CPED1: variants seen among roughly 807,000 people sequenced by gnomAD.
CPED1 encodes the protein cadherin like and PC-esterase domain containing 1.
Under a neutral mutation model 128.2 loss-of-function variants are expected in CPED1, and 114 were observed. The observed-to-expected ratio is 0.89, with a 90% CI of 0.76 to 1.04. The LOEUF (loss-of-function observed/expected upper bound fraction) is 1.04, where lower values mean the gene tolerates loss of function less well. Among genes scored for constraint, CPED1 ranks in the 50% least tolerant of loss-of-function variants. The pLI is 0.00. For synonymous variants in CPED1, 462 were observed against 426.7 expected (o/e 1.08, Z -1.02); for missense variants, 1,211 against 1,207.1 (o/e 1.00, Z -0.05).
intron 18 of CPED1, among the ~76,000 whole-genome samples, chr7:121,250,569 C>T (rs1023611471): frequency 2.1e-4 from 32 of 151,912 alleles, no homozygotes; most frequent in African/African-American, 6.3e-4. Flanking sequence ...ATTGATAGAC[C>T]GCTAGCAAGA....
intron 16 of CPED1, among the ~76,000 whole-genome samples, chr7:121,231,674 TAAAA>T (rs1798144003): frequency 6.6e-6 from 1 of 151,536 alleles, no homozygotes; most frequent in Non-Finnish European, 1.5e-5. Flanking sequence ...ATAAGTAAAA[TAAAA>T]AAAGGAAGAT....
At chr7:121,250,696 G>A (rs1050642735) in intron 18 of CPED1, among the ~76,000 whole-genome samples, 3 of 152,038 alleles carry the variant, frequency 2.0e-5, no homozygotes, top group African/African-American at 7.2e-5. Flanking sequence ...ACACCTCTAT[G>A]CAAATAAACT....
intron 16 of CPED1, among the ~76,000 whole-genome samples, chr7:121,151,257 G>T (rs903162956): frequency 6.6e-6 from 1 of 152,060 alleles, no homozygotes; most frequent in Admixed American, 6.6e-5. Flanking sequence ...GCCCAATGCC[G>T]TATACAATGT....
intron 2 of CPED1, among the ~76,000 whole-genome samples, chr7:121,004,732 C>A (rs546837655): frequency 1.0e-4 from 15 of 150,530 alleles, no homozygotes; most frequent in South Asian, 4.3e-4. Flanking sequence ...CTTGGAAGAC[C>A]CTAAGAGTAG....
intron 16 of CPED1, among the ~76,000 whole-genome samples, chr7:121,149,017 C>T (rs961891286): frequency 6.6e-6 from 1 of 152,098 alleles, no homozygotes; most frequent in Non-Finnish European, 1.5e-5. Context: ...AGCAGTGGCA[C>T]CTACTTCAAT....
intron 18 of CPED1, among the ~76,000 whole-genome samples, chr7:121,250,720 GA>G (rs1735248152): frequency 6.6e-6 from 1 of 152,106 alleles, no homozygotes; most frequent in South Asian, 2.1e-4. Flanking sequence ...AAATCTAGAA[GA>G]AATGGATAAA....
chr7:121,252,234 A>G (rs1396669502), intron 18 of CPED1, among the ~76,000 whole-genome samples: 1 of 151,630 alleles, frequency 6.6e-6, no homozygotes, highest in Non-Finnish European at 1.5e-5. Context: ...TATTTAATAA[A>G]TGATACTGGG....
intron 16 of CPED1, among the ~76,000 whole-genome samples, chr7:121,218,274 G>T (rs1454711287): frequency 6.6e-6 from 1 of 151,408 alleles, no homozygotes. Flanking sequence ...ACTTTCAATG[G>T]CAAAAATCGC....
rs760716295 is a variant in CPED1 at position 121,136,022 on chromosome 7, AT to A, written c.1649-15del. ...TTAATGGTTTTTATTTTAAATTTAC[AT>A]TTCTTTTTTTTTTTAGCTGCAGTTC... On this transcript the variant is annotated splice_polypyrimidine_tract_variant and intron_variant, in intron 13 of 22. Transcript: ENST00000310396. The A allele has an allele frequency of 2.0e-5, 29 of 1,474,704 alleles. No homozygotes were observed. Among genetic ancestry groups the A allele is most frequent in the African/African-American group, 1.0e-4 (7 of 69,632 alleles). 91.4% of individuals were successfully genotyped at this position (1,474,704 alleles called of 1,614,324 possible).
intron 16 of CPED1, among the ~76,000 whole-genome samples, chr7:121,210,181 AG>A (rs1253804600): frequency 6.6e-6 from 1 of 152,008 alleles, no homozygotes; most frequent in Non-Finnish European, 1.5e-5. Context: ...GAGGATGTGA[AG>A]AAAGGAGAAC....
chr7:121,093,889 C>A (rs187992750), intron 5 of CPED1, among the ~76,000 whole-genome samples: 1 of 152,180 alleles, frequency 6.6e-6, no homozygotes, highest in Admixed American at 6.6e-5. Flanking sequence ...GTTAACAGTC[C>A]CTTCTTTAAT....
At chr7:121,016,741 G>A (rs1215020885) in intron 3 of CPED1, among the ~76,000 whole-genome samples, 1 of 152,156 alleles carries the variant, frequency 6.6e-6, no homozygotes, top group Non-Finnish European at 1.5e-5. Flanking sequence ...CATTTTGAGA[G>A]CTACAATAAT....
intron 2 of CPED1, among the ~76,000 whole-genome samples, chr7:121,013,274 C>T (rs996461228): frequency 2.0e-5 from 3 of 152,150 alleles, no homozygotes; most frequent in East Asian, 1.9e-4. Context: ...GGGGGAGAAT[C>T]GTGTCCCAAC....
intron 5 of CPED1, among the ~76,000 whole-genome samples, chr7:121,074,820 A>G (rs903489701): frequency 6.6e-6 from 1 of 152,130 alleles, no homozygotes; most frequent in Admixed American, 6.6e-5. Context: ...CCTTTCTTTT[A>G]GCAATCCTCC....
chr7:121,114,907 ATGCATAATCGTC>A (rs1441548214), intron 7 of CPED1, among the ~76,000 whole-genome samples: 2 of 152,374 alleles, frequency 1.3e-5, no homozygotes, highest in East Asian at 3.9e-4. Context: ...ACGTATGCGC[ATGCATAATCGTC>A]TGTTGATTAA....
At chr7:121,125,932 G>A (rs868106310) in intron 9 of CPED1, 40 bp downstream of exon 9, 3 of 1,345,342 alleles carry the variant, frequency 2.2e-6, no homozygotes, top group African/African-American at 1.4e-5. Flanking sequence ...TCTACCTTGT[G>A]GTGAGAGATC....
chr7:121,051,382 T>TA, intron 4 of CPED1: 1 of 441,632 alleles, frequency 2.3e-6, no homozygotes, highest in South Asian at 1.7e-5. Flanking sequence ...TTTTTTTTTT[T>TA]AGAGGTAAAA....
intron 16 of CPED1, among the ~76,000 whole-genome samples, chr7:121,150,463 A>G (rs1159691173): frequency 6.6e-6 from 1 of 152,072 alleles, no homozygotes; most frequent in Non-Finnish European, 1.5e-5. Context: ...GTGGATGTGC[A>G]TCTAGGTTGA....
rs1051961217 is a variant in CPED1, at chr7:121,236,708, AT to A, written c.2056-5del. 7 of 1,532,396 alleles carry A rather than the reference AT, an allele frequency of 4.6e-6. No homozygotes were observed. The African/African-American group carries it at 9.7e-5, about 21-fold the overall frequency. 94.9% of individuals were successfully genotyped at this position (1,532,396 alleles called of 1,614,324 possible). A position where few individuals can be genotyped will look rare whatever the true frequency, so the allele number is the denominator to read the frequency against. On this transcript the variant is annotated splice_region_variant and splice_polypyrimidine_tract_variant and intron_variant, in intron 16 of 22. Transcript: ENST00000310396. ...ACAACAACTAATATCTATTATTTTAATGCAGGATTGTGGTTTGCTGATTCAT... is the reference window on the plus strand; with the variant it reads ...ACAACAACTAATATCTATTATTTTAAGCAGGATTGTGGTTTGCTGATTCAT...
Sources: allele counts gnomAD v4.1 joint callset (sites outside exome capture counted in the v4.1 genomes callset), GRCh38; gene constraint gnomAD v4.1.1; transcripts MANE v1.5; gene names NCBI Gene and HGNC (gene_info 2026-07-23, HGNC 2026-07-21).